PRKG1: variants seen among roughly 807,000 people sequenced by gnomAD.
PRKG1 encodes cGMP-dependent protein kinase 1.
Under a neutral mutation model 88.1 loss-of-function variants are expected in PRKG1, and 35 were observed. The ratio of observed to expected loss-of-function variants is 0.40; its 90% CI spans 0.30 to 0.53. The LOEUF is 0.53. Among genes scored for constraint, PRKG1 ranks in the 20% least tolerant of loss-of-function variants. PRKG1 has a pLI of 0.59. For missense variants in PRKG1, 540 were observed against 839.8 expected (o/e 0.64, Z 4.41); for synonymous variants, 303 against 292.5 (o/e 1.04, Z -0.37).
At chr10:52,234,149 C>T (rs1231705341) in intron 9 of PRKG1, among the ~76,000 whole-genome samples, 2 of 152,084 alleles carry the variant, frequency 1.3e-5, no homozygotes, top group Admixed American at 6.5e-5. Context: ...ACATCCACAC[C>T]AAAAACCCAT....
intron 2 of PRKG1, among the ~76,000 whole-genome samples, chr10:51,193,467 T>C (rs1167144574): frequency 1.3e-5 from 2 of 152,128 alleles, no homozygotes; most frequent in Non-Finnish European, 2.9e-5. Context: ...TATTAGAAAT[T>C]AATGAAACTA....
intron 3 of PRKG1, among the ~76,000 whole-genome samples, chr10:51,501,127 A>G (rs1257488558): frequency 6.6e-6 from 1 of 152,170 alleles, no homozygotes; most frequent in African/African-American, 2.4e-5. Flanking sequence ...ATCACGCAGT[A>G]TCCTTCCAAC....
chr10:51,651,002 G>A (rs1391567399), intron 3 of PRKG1, among the ~76,000 whole-genome samples: 4 of 152,174 alleles, frequency 2.6e-5, no homozygotes, highest in African/African-American at 7.2e-5. Context: ...GTAGACATTC[G>A]TGGTTGTCAC....
At chr10:51,216,129 T>C (rs1199551871) in intron 2 of PRKG1, among the ~76,000 whole-genome samples, 1 of 152,212 alleles carries the variant, frequency 6.6e-6, no homozygotes, top group Non-Finnish European at 1.5e-5. Context: ...GAGTGGCTCA[T>C]TGAATATTTG....
chr10:51,680,973 G>A lies in PRKG1; in HGVS notation c.593-123612G>A, dbSNP rs547507704. ...TATTATGTAAGGATCTATTAAAAAC[G>A]AGGTGCATTCATTTATACAAGTACA... On this transcript the variant is annotated intron_variant, in intron 3 of 17. Coordinates refer to ENST00000373980, the MANE Select transcript of PRKG1 (RefSeq NM_006258.4). Among the ~76,000 whole-genome samples the A allele has an allele frequency of 7.2e-5, 11 of 152,266 alleles. No homozygotes were observed. In the South Asian group the frequency reaches 1.7e-3, roughly 23 times the overall value.
chr10:51,934,265 A>C (rs1163346419), intron 5 of PRKG1, among the ~76,000 whole-genome samples: 2 of 124,844 alleles, frequency 1.6e-5, no homozygotes, highest in South Asian at 2.9e-4. Flanking sequence ...CCCCCCCCCC[A>C]ACACCGCCCA....
chr10:52,232,816 TA>T (rs1420004710), intron 9 of PRKG1, among the ~76,000 whole-genome samples: 3 of 152,218 alleles, frequency 2.0e-5, no homozygotes, highest in South Asian at 4.1e-4. Context: ...GACAAGTTTC[TA>T]AGGCTTCCAC....
At chr10:51,332,767 G>A (rs1841774602) in intron 2 of PRKG1, among the ~76,000 whole-genome samples, 1 of 152,124 alleles carries the variant, frequency 6.6e-6, no homozygotes, top group Non-Finnish European at 1.5e-5. Context: ...TGCCTAGAAG[G>A]AACCACGATT....
At chr10:52,019,312 ATCC>A (rs1845122750) in intron 5 of PRKG1, among the ~76,000 whole-genome samples, 1 of 152,140 alleles carries the variant, frequency 6.6e-6, no homozygotes, top group African/African-American at 2.4e-5. Flanking sequence ...CTATAGCAGG[ATCC>A]TACCCTCTTA....
At chr10:52,276,225 A>AC (rs1841871505) in intron 12 of PRKG1, among the ~76,000 whole-genome samples, 1 of 152,072 alleles carries the variant, frequency 6.6e-6, no homozygotes, top group African/African-American at 2.4e-5. Context: ...TACTGCGTTG[A>AC]AGAGGAGTGG....
At chr10:51,426,148 G>A (rs774241688) in intron 2 of PRKG1, among the ~76,000 whole-genome samples, 5 of 152,136 alleles carry the variant, frequency 3.3e-5, no homozygotes, top group South Asian at 4.2e-4. Flanking sequence ...GTGGTGATGC[G>A]CACCCACCTG....
At chr10:52,093,072 C>G (rs1200027559) in intron 7 of PRKG1, among the ~76,000 whole-genome samples, 1 of 151,968 alleles carries the variant, frequency 6.6e-6, no homozygotes, top group Admixed American at 6.6e-5. Context: ...TCTTAGTACC[C>G]CATGAAATGT....
At chr10:51,910,848 A>G (rs918338630) in intron 5 of PRKG1, 5 of 152,270 alleles carry the variant, frequency 3.3e-5, no homozygotes, top group African/African-American at 1.2e-4. Context: ...GGCAATGGCC[A>G]GTGAGAAGTG....
chr10:51,254,407 G>A (rs1839504421), intron 2 of PRKG1, among the ~76,000 whole-genome samples: 1 of 151,900 alleles, frequency 6.6e-6, no homozygotes, highest in African/African-American at 2.4e-5. Context: ...TGCAGGCTAA[G>A]TACTCTCAGT....
chr10:51,340,227 C>T (rs1841974910), intron 2 of PRKG1, among the ~76,000 whole-genome samples: 1 of 152,086 alleles, frequency 6.6e-6, no homozygotes, highest in Admixed American at 6.5e-5. Context: ...AGAAAAGAAA[C>T]CTATCGCTCT....
At chr10:51,320,649 A>C (rs211071) in intron 2 of PRKG1, 10,612 of 152,394 alleles carry the variant, frequency 0.07, 537 homozygotes, top group African/African-American at 0.14. Context: ...CCTGACAGAC[A>C]GTAACAAATA....
chr10:51,977,495 T>A (rs1276307124), intron 5 of PRKG1, among the ~76,000 whole-genome samples: 3 of 152,124 alleles, frequency 2.0e-5, no homozygotes, highest in African/African-American at 7.2e-5. Context: ...AGTAATGGGA[T>A]TGCTGGGTCA....
At position 51,618,466 on chromosome 10, in the gene PRKG1, A is replaced by G. The variant is rs117395411; in HGVS notation, c.592+150630A>G. 9.5e-3 allele frequency among the ~76,000 whole-genome samples: 1,449 copies of G among 152,302 alleles called. 14 individuals are homozygous for G. Among genetic ancestry groups the G allele is most frequent in the Non-Finnish European group, 0.016 (1,079 of 68,018 alleles). On this transcript the variant is annotated intron_variant, in intron 3 of 17. Coordinates refer to ENST00000373980, the MANE Select transcript of PRKG1 (RefSeq NM_006258.4). ...AAAAATGGTCATCATTGTCATTGTCATCATCATCATTGTCATCATTGCAGA... is the reference window on the plus strand; with the variant it reads ...AAAAATGGTCATCATTGTCATTGTCGTCATCATCATTGTCATCATTGCAGA...
At chr10:51,410,610 C>G (rs1267588690) in intron 2 of PRKG1, among the ~76,000 whole-genome samples, 1 of 152,076 alleles carries the variant, frequency 6.6e-6, no homozygotes, top group African/African-American at 2.4e-5. Flanking sequence ...CACAGACACA[C>G]GCAGAATCAA....
Sources: gnomAD v4.1 joint callset for allele counts (sites outside exome capture counted in the v4.1 genomes callset) on GRCh38, gnomAD v4.1.1 for gene constraint, MANE v1.5 for transcripts, NCBI Gene and HGNC (gene_info 2026-07-23, HGNC 2026-07-21) for gene names.